Variants in VAV2 observed in about 807,000 individuals in gnomAD.
VAV2 encodes guanine nucleotide exchange factor VAV2.
Under a neutral mutation model 132.5 loss-of-function variants are expected in VAV2, and 67 were observed. The observed-to-expected ratio is 0.51, with a 90% CI of 0.42 to 0.62. VAV2 has a LOEUF of 0.62. Among genes scored for constraint, VAV2 ranks in the 20% least tolerant of loss-of-function variants. The pLI is 0.00. For synonymous variants in VAV2, 492 were observed against 443.5 expected (o/e 1.11, Z -1.37); for missense variants, 938 against 1,153.6 (o/e 0.81, Z 2.71).
At chr9:133,932,138 G>A (rs910798228) in intron 2 of VAV2, among the ~76,000 whole-genome samples, 4 of 152,196 alleles carry the variant, frequency 2.6e-5, no homozygotes, top group Non-Finnish European at 4.4e-5. Context: ...ATGCCCGACC[G>A]GATTCCAAGC....
At chr9:133,859,462 T>A (rs1837512047) in intron 3 of VAV2, among the ~76,000 whole-genome samples, 1 of 152,140 alleles carries the variant, frequency 6.6e-6, no homozygotes, top group Admixed American at 6.5e-5. Context: ...AGGAACAGAA[T>A]CAGGTCACTC....
chr9:133,908,372 C>A (rs577910221), intron 2 of VAV2, among the ~76,000 whole-genome samples: 1 of 152,056 alleles, frequency 6.6e-6, no homozygotes, highest in African/African-American at 2.4e-5. Context: ...ACCCCCCATG[C>A]GAGGCCAGTG....
intron 2 of VAV2, among the ~76,000 whole-genome samples, chr9:133,862,548 T>C (rs1286711372): frequency 6.6e-6 from 1 of 152,242 alleles, no homozygotes; most frequent in Non-Finnish European, 1.5e-5. Context: ...CAAGTCTGTG[T>C]GCACTGCACG....
chr9:133,873,623 G>A (rs987040469), intron 2 of VAV2, among the ~76,000 whole-genome samples: 1 of 152,230 alleles, frequency 6.6e-6, no homozygotes, highest in African/African-American at 2.4e-5. Context: ...CAGCACGGAA[G>A]CCCTGTGTCC....
chr9:133,926,873 C>G lies in VAV2; in HGVS notation c.321+12230G>C, dbSNP rs1046958159. ...ACACAGAAGCAGAGAGGACCACCCT[C>G]CTGGCAACAGCCCCACTGTGGAGGG... On this transcript the variant is annotated intron_variant, in intron 2 of 29. Transcript: ENST00000371850. The surrounding 1 kb of genome is among the most constrained non-coding windows in gnomAD (Gnocchi z 4.3). 6.6e-6 allele frequency among the ~76,000 whole-genome samples: 1 copy of G among 152,222 alleles called. No individual in the cohort carries two copies. The highest frequency in any genetic ancestry group is 2.4e-5 in the African/African-American group (1 of 41,452).
Position 133,939,193 on chromosome 9 carries a change from G to T in VAV2, c.231C>A (p.Thr77=), listed in dbSNP as rs771422910. The change falls in exon 2 of 30, where the codon ACC becomes ACA. Residue 77 remains threonine, a synonymous_variant. Coordinates refer to ENST00000371850, the MANE Select transcript of VAV2 (RefSeq NM_001134398.2). ...ATTTATCGTGGCAGACTTTCAGGAAGGTGCGTATGTTCTTCAAACACAGAA... is the reference window on the plus strand; with the variant it reads ...ATTTATCGTGGCAGACTTTCAGGAATGTGCGTATGTTCTTCAAACACAGAA... ...SQFLCLKNIR[T]FLKVCHDKFG... The T allele has an allele frequency of 1.2e-6, 2 of 1,614,234 alleles. No homozygotes were observed. Among genetic ancestry groups the T allele is most frequent in the Non-Finnish European group, 1.7e-6 (2 of 1,180,042 alleles).
intron 21 of VAV2, among the ~76,000 whole-genome samples, chr9:133,779,226 C>A (rs1049942599): frequency 5.3e-5 from 8 of 152,230 alleles, no homozygotes; most frequent in Non-Finnish European, 2.9e-5. Context: ...CAGAGACGGG[C>A]GACGGGTCAG....
rs761341497 is a variant in VAV2, at chr9:133,771,913, C to A, written c.2223+46G>T. ...CTCAGGGCCGGGAGGAAGCACCTGT[C>A]CCCTGTGGCTGGGGTGGGAGCCGGC... is the stretch of plus-strand genomic sequence containing the variant. On this transcript the variant is annotated intron_variant, in intron 26 of 29. Transcript: ENST00000371850. 2.6e-6 allele frequency: 4 copies of A among 1,555,214 alleles called. No homozygotes were observed. The South Asian group carries it at 3.3e-5, about 13-fold the overall frequency.
intron 4 of VAV2, among the ~76,000 whole-genome samples, chr9:133,818,130 C>T (rs563633324): frequency 5.3e-5 from 8 of 152,108 alleles, no homozygotes; most frequent in East Asian, 3.9e-4. Context: ...TTTGGGGGGC[C>T]GAGGTGGGCA....
chr9:133,770,289 T>C, intron 27 of VAV2, 89 bp downstream of exon 27: 1 of 1,580,062 alleles, frequency 6.3e-7, no homozygotes, highest in Non-Finnish European at 8.6e-7. Context: ...CTGGTCTGGG[T>C]CTGTGAGGGC....
chr9:133,856,148 G>A (rs907040319), intron 3 of VAV2, among the ~76,000 whole-genome samples: 24 of 152,236 alleles, frequency 1.6e-4, no homozygotes, highest in Non-Finnish European at 2.4e-4. Context: ...GGAGGGCGGT[G>A]ACTGCTCATG....
intron 2 of VAV2, among the ~76,000 whole-genome samples, chr9:133,914,050 A>T (rs1029540918): frequency 6.6e-6 from 1 of 152,202 alleles, no homozygotes; most frequent in Non-Finnish European, 1.5e-5. Context: ...CAAGCAACCA[A>T]AGACGATGCT....
At chr9:133,799,982 G>A (rs745753169) in intron 9 of VAV2, among the ~76,000 whole-genome samples, 250 of 152,166 alleles carry the variant, frequency 1.6e-3, no homozygotes, top group Non-Finnish European at 2.7e-3. Flanking sequence ...CAGAAGACAC[G>A]CCACACACAC....
intron 1 of VAV2, among the ~76,000 whole-genome samples, chr9:133,951,013 A>G (rs1256315939): frequency 1.3e-5 from 2 of 152,168 alleles, no homozygotes; most frequent in East Asian, 3.9e-4. Context: ...GCCAGCAGAC[A>G]CCGGATGATC....
rs911117323 is a variant in VAV2 at position 133,771,915 on chromosome 9, C to A, written c.2223+44G>T. 10 of 1,571,532 alleles carry A rather than the reference C, an allele frequency of 6.4e-6. No homozygotes were observed. In the East Asian group the frequency reaches 2.2e-4, roughly 35 times the overall value. On this transcript the variant is annotated intron_variant, in intron 26 of 29. Coordinates refer to ENST00000371850, the MANE Select transcript of VAV2 (RefSeq NM_001134398.2). ...CAGGGCCGGGAGGAAGCACCTGTCC[C>A]CTGTGGCTGGGGTGGGAGCCGGCCG...
intron 12 of VAV2, among the ~76,000 whole-genome samples, chr9:133,792,582 G>A (rs10993802): frequency 0.49 from 68,982 of 140,954 alleles, 17,080 homozygotes; most frequent in South Asian, 0.53. Flanking sequence ...TGACTGTGTG[G>A]TTGTGTGTGT....
Position 133,783,600 on chromosome 9 carries a change from G to C in VAV2, c.1635-9C>G, listed in dbSNP as rs532202520. On this transcript the variant is annotated splice_polypyrimidine_tract_variant and intron_variant, in intron 18 of 29. Transcript: ENST00000371850. Reference sequence around the variant, plus strand: ...CCTGGTAGAAGGTGCCCCTGCACAGGGGAGGGCAGGAGGTGAGGTCGAGGC... The same window carrying C: ...CCTGGTAGAAGGTGCCCCTGCACAGCGGAGGGCAGGAGGTGAGGTCGAGGC... 1 of 1,613,808 alleles carries C rather than the reference G, an allele frequency of 6.2e-7. No homozygotes were observed. Among genetic ancestry groups the C allele is most frequent in the African/African-American group, 1.3e-5 (1 of 75,002 alleles).
At chr9:133,982,904 G>A (rs453703) in intron 1 of VAV2, among the ~76,000 whole-genome samples, 37,318 of 152,154 alleles carry the variant, frequency 0.25, 5,648 homozygotes, top group Middle Eastern at 0.37. Context: ...ACCACCCAGG[G>A]CTGCTGTCGT....
In VAV2 at chr9:133,788,607, C is replaced by G. The variant is rs988700550; in HGVS notation, c.1275-121G>C. On this transcript the variant is annotated intron_variant, in intron 14 of 29. Transcript: ENST00000371850. The surrounding 1 kb of genome is among the most constrained non-coding windows in gnomAD (Gnocchi z 5.3). ...GCTCCCTCTCCGGGCGAGCCCTGCC[C>G]TCACCTGGCTCACCAGGCTAATGCT... 8 of 1,343,066 alleles carry G rather than the reference C, an allele frequency of 6.0e-6. No individual in the cohort carries two copies. In the East Asian group the frequency reaches 2.0e-4, roughly 33 times the overall value. The allele number at this position is 1,343,066 out of a possible 1,614,324, so 83.2% of individuals were successfully genotyped here. A position where few individuals can be genotyped will look rare whatever the true frequency, so the allele number is the denominator to read the frequency against.
Sources: gnomAD v4.1 joint callset for allele counts (sites outside exome capture counted in the v4.1 genomes callset) on GRCh38, gnomAD v4.1.1 for gene constraint, Gnocchi (gnomAD v3.1) non-coding constraint, MANE v1.5 for transcripts, NCBI Gene and HGNC (gene_info 2026-07-23, HGNC 2026-07-21) for gene names.